The following TTC39B variants were observed in gnomAD, a reference collection of about 807,000 sequenced individuals.
TTC39B encodes tetratricopeptide repeat domain 39B, also known as tetratricopeptide repeat protein 39B.
TTC39B carries 92 observed loss-of-function variants against 96.6 expected under a neutral mutation model. The observed-to-expected ratio is 0.95, with a 90% confidence interval of 0.80 to 1.13. TTC39B has a LOEUF of 1.13. Among genes scored for constraint, TTC39B ranks in the 50% most tolerant of loss-of-function variants. The probability of loss-of-function intolerance (pLI) is 0.00; values close to 1 mark genes in which losing one functional copy is unlikely to be tolerated. For synonymous variants in TTC39B, 367 were observed against 299.4 expected, an observed-to-expected ratio of 1.23 and a Z score of -2.33; for missense variants, 955 against 809.3, an observed-to-expected ratio of 1.18 and a Z score of -2.18.
chr9:15,219,722 C>A (rs1820736108), intron 3 of TTC39B, among the ~76,000 whole-genome samples: 1 of 152,166 alleles, frequency 6.6e-6, no homozygotes, highest in African/African-American at 2.4e-5. Flanking sequence ...AATTAATTAT[C>A]TGATTGGTGA....
chr9:15,260,738 T>G (rs1307671894), intron 2 of TTC39B, among the ~76,000 whole-genome samples: 1 of 152,154 alleles, frequency 6.6e-6, no homozygotes, highest in Non-Finnish European at 1.5e-5. Flanking sequence ...CAAAATATTT[T>G]TATACTACAC....
chr9:15,278,622 G>C (rs1823638341), intron 1 of TTC39B, among the ~76,000 whole-genome samples: 1 of 152,198 alleles, frequency 6.6e-6, no homozygotes, highest in African/African-American at 2.4e-5. Flanking sequence ...AAAACCAAGA[G>C]ACTGACTTTT....
intron 11 of TTC39B, 29 bp from the exon 12 acceptor site, chr9:15,189,821 C>A (rs776950748): frequency 6.8e-7 from 1 of 1,478,832 alleles, no homozygotes; most frequent in Non-Finnish European, 9.4e-7. Flanking sequence ...AAGACTCAGT[C>A]TTCATAAGAC....
At chr9:15,222,538 C>G (rs957418812) in intron 3 of TTC39B, among the ~76,000 whole-genome samples, 9 of 152,166 alleles carry the variant, frequency 5.9e-5, no homozygotes, top group Non-Finnish European at 1.0e-4. Context: ...TTGCCGTAAC[C>G]TTCATGATTG....
chr9:15,245,048 T>A (rs748817648), intron 2 of TTC39B, among the ~76,000 whole-genome samples: 1 of 152,262 alleles, frequency 6.6e-6, no homozygotes, highest in Non-Finnish European at 1.5e-5. Context: ...ATTATTGGTC[T>A]ACTTTTCAAT....
intron 2 of TTC39B, among the ~76,000 whole-genome samples, chr9:15,226,381 T>C (rs1428844116): frequency 6.6e-6 from 1 of 152,208 alleles, no homozygotes; most frequent in African/African-American, 2.4e-5. Context: ...GGTTATGGTA[T>C]ACAGTATAAT....
intron 17 of TTC39B, among the ~76,000 whole-genome samples, chr9:15,178,717 G>C (rs1818092424): frequency 6.6e-6 from 1 of 152,196 alleles, no homozygotes; most frequent in South Asian, 2.1e-4. Context: ...CCGAAAATCT[G>C]AGCTCTAAAT....
At chr9:15,239,557 T>C (rs993957702) in intron 2 of TTC39B, among the ~76,000 whole-genome samples, 1 of 152,204 alleles carries the variant, frequency 6.6e-6, no homozygotes, top group Non-Finnish European at 1.5e-5. Flanking sequence ...AAATGTGGAA[T>C]AGATACAGAA....
At chr9:15,196,911 C>T (rs1215435079) in intron 8 of TTC39B, among the ~76,000 whole-genome samples, 1 of 152,154 alleles carries the variant, frequency 6.6e-6, no homozygotes. Flanking sequence ...CCATAGCCAC[C>T]CCAACCTTCA....
chr9:15,297,181 C>G (rs1378895971), intron 1 of TTC39B, among the ~76,000 whole-genome samples: 2 of 152,226 alleles, frequency 1.3e-5, no homozygotes, highest in East Asian at 3.9e-4. Flanking sequence ...GCGCAGTTCC[C>G]CTGCTGTTCC....
At chr9:15,210,135 G>T in exon 6 of TTC39B, 1 of 1,606,324 alleles carries the variant, frequency 6.2e-7, no homozygotes, top group Admixed American at 1.7e-5. Flanking sequence ...ACTTGAGAAA[G>T]ATTCTACAAC....
At chr9:15,263,140 GCC>G (rs1166312666) in intron 2 of TTC39B, among the ~76,000 whole-genome samples, 5 of 152,124 alleles carry the variant, frequency 3.3e-5, no homozygotes, top group Non-Finnish European at 7.4e-5. Flanking sequence ...GGACTTCTCA[GCC>G]TCCATAATCA....
intron 1 of TTC39B, among the ~76,000 whole-genome samples, chr9:15,299,301 A>G (rs545076173): frequency 1.3e-5 from 2 of 152,352 alleles, no homozygotes; most frequent in African/African-American, 4.8e-5. Context: ...TATCAGCAGT[A>G]CCAAGGGGAC....
chr9:15,256,329 G>A (rs903190934), intron 2 of TTC39B, among the ~76,000 whole-genome samples: 3 of 152,164 alleles, frequency 2.0e-5, no homozygotes, highest in African/African-American at 7.2e-5. Context: ...GGCCTACAAA[G>A]CAGTGAGGAA....
rs1302905474 is a variant in TTC39B, at chr9:15,306,189, A to G, written c.240+895T>C. Among the ~76,000 whole-genome samples the G allele has an allele frequency of 1.3e-5, 2 of 152,198 alleles. No homozygotes were observed. Among genetic ancestry groups the G allele is most frequent in the Non-Finnish European group, 2.9e-5 (2 of 68,020 alleles). ...ATTCAAGTCAGGTAAGATGGCAGGA[A>G]CAGCAGCTGTGGGTGCTGGCTGCTG... On this transcript the variant is annotated intron_variant, in intron 1 of 19. Transcript: ENST00000512701. The surrounding 1 kb of genome is among the most constrained non-coding windows in gnomAD (Gnocchi z 5.1).
At chr9:15,227,137 T>C (rs1371087449) in intron 2 of TTC39B, among the ~76,000 whole-genome samples, 2 of 152,094 alleles carry the variant, frequency 1.3e-5, no homozygotes, top group Non-Finnish European at 2.9e-5. Context: ...TGAAACTCCG[T>C]CTCTACTAAA....
intron 2 of TTC39B, among the ~76,000 whole-genome samples, chr9:15,245,039 T>C (rs1822212843): frequency 6.6e-6 from 1 of 152,236 alleles, no homozygotes; most frequent in South Asian, 2.1e-4. Flanking sequence ...CATAGTATAA[T>C]TATTGGTCTA....
At chr9:15,200,726 C>T (rs891876775) in intron 7 of TTC39B, among the ~76,000 whole-genome samples, 4 of 152,178 alleles carry the variant, frequency 2.6e-5, no homozygotes, top group Non-Finnish European at 2.9e-5. Context: ...TCTGGCTGGG[C>T]GTGGTGGCTC....
Position 15,166,982 on chromosome 9 carries a change from T to TTTTTTTTATA in TTC39B, c.*5036_*5037insTATAAAAAAA, listed in dbSNP as rs1387664027. 4.5e-3 allele frequency: 91 copies of TTTTTTTTATA among 20,276 alleles called. 2 individuals are homozygous for TTTTTTTTATA. Among genetic ancestry groups the TTTTTTTTATA allele is most frequent in the Non-Finnish European group, 6.5e-3 (74 of 11,336 alleles). The allele number at this position is 20,276 out of a possible 1,614,324, so 1.3% of individuals were successfully genotyped here. A position where few individuals can be genotyped will look rare whatever the true frequency, so the allele number is the denominator to read the frequency against. On this transcript the variant is annotated 3_prime_UTR_variant, in exon 20 of 20. Coordinates refer to ENST00000512701, the Ensembl canonical transcript of TTC39B. ...TAACATGTGTCCACAAACCTTTATT[T>TTTTTTTTATA]TATATATATATATATATATATATAT...
Sources: allele counts gnomAD v4.1 joint callset (sites outside exome capture counted in the v4.1 genomes callset), GRCh38; gene constraint gnomAD v4.1.1; non-coding constraint Gnocchi (gnomAD v3.1); transcripts MANE v1.5; gene names NCBI Gene and HGNC (gene_info 2026-07-23, HGNC 2026-07-21).